GPC6: variants seen among roughly 807,000 people sequenced by gnomAD.
The protein encoded by GPC6 is glypican 6.
GPC6 carries 14 observed loss-of-function variants against 55.2 expected under a neutral mutation model. The ratio of observed to expected loss-of-function variants is 0.25; its 90% CI spans 0.17 to 0.40. The LOEUF (loss-of-function observed/expected upper bound fraction) is 0.40. GPC6 is among the 10% of genes least tolerant of loss of function. The probability of loss-of-function intolerance (pLI) is 1.00; values close to 1 mark genes in which losing one functional copy is unlikely to be tolerated. For synonymous variants in GPC6, 278 were observed against 259.6 expected (o/e 1.07, Z -0.68); for missense variants, 641 against 708.5 (o/e 0.90, Z 1.08).
intron 2 of GPC6, among the ~76,000 whole-genome samples, chr13:93,732,856 C>G (rs1883876884): frequency 6.6e-6 from 1 of 152,022 alleles, no homozygotes; most frequent in Non-Finnish European, 1.5e-5. Context: ...TTCGATTAAA[C>G]TAATCTATAT....
At chr13:93,478,873 A>T (rs1879396648) in intron 1 of GPC6, among the ~76,000 whole-genome samples, 1 of 152,218 alleles carries the variant, frequency 6.6e-6, no homozygotes, top group Non-Finnish European at 1.5e-5. Flanking sequence ...AATTTTGGAA[A>T]TAGCTCTGAA....
rs1875790967 is a variant in GPC6 at position 93,893,164 on chromosome 13, A to G, written c.711+62619A>G. 2.6e-5 allele frequency among the ~76,000 whole-genome samples: 4 copies of G among 151,810 alleles called. No individual in the cohort carries two copies. In the South Asian group the frequency reaches 8.4e-4, roughly 32 times the overall value. On this transcript the variant is annotated intron_variant, in intron 3 of 8. Coordinates refer to ENST00000377047, the MANE Select transcript of GPC6 (RefSeq NM_005708.5). The stretch of plus-strand genomic sequence containing the variant: ...AACCTCCACCTCCCAGGCTCAAGCA[A>G]TTCTCCTGCCTCAGCCTTCCGAATA...
chr13:93,378,145 T>A (rs1394611396), intron 1 of GPC6, among the ~76,000 whole-genome samples: 1 of 152,196 alleles, frequency 6.6e-6, no homozygotes, highest in Non-Finnish European at 1.5e-5. Context: ...GTATTAAGAC[T>A]TTAGTAATTA....
At chr13:94,332,823 G>T (rs1260335084) in intron 6 of GPC6, among the ~76,000 whole-genome samples, 2 of 152,218 alleles carry the variant, frequency 1.3e-5, no homozygotes, top group Non-Finnish European at 2.9e-5. Flanking sequence ...TTGATGTCAG[G>T]AGATTGCAAG....
At chr13:93,700,623 A>G (rs929240995) in intron 2 of GPC6, among the ~76,000 whole-genome samples, 1 of 152,134 alleles carries the variant, frequency 6.6e-6, no homozygotes, top group Non-Finnish European at 1.5e-5. Context: ...TACATTTTAT[A>G]GTAAGACTGA....
intron 3 of GPC6, among the ~76,000 whole-genome samples, chr13:93,835,488 C>G (rs1433627411): frequency 6.6e-6 from 1 of 152,088 alleles, no homozygotes; most frequent in Non-Finnish European, 1.5e-5. Context: ...GCGCAGGGCT[C>G]ACACCTGTAA....
chr13:93,896,054 C>G (rs949437767), intron 3 of GPC6, among the ~76,000 whole-genome samples: 6 of 151,950 alleles, frequency 3.9e-5, no homozygotes, highest in African/African-American at 1.4e-4. Flanking sequence ...TGGAACATTC[C>G]TAACACAAAG....
chr13:93,477,917 C>T (rs12871207), intron 1 of GPC6, among the ~76,000 whole-genome samples: 3 of 151,864 alleles, frequency 2.0e-5, no homozygotes, highest in South Asian at 2.1e-4. Flanking sequence ...AACATAGTAC[C>T]GTATATGAGC....
At chr13:93,296,038 A>G (rs1375452664) in intron 1 of GPC6, among the ~76,000 whole-genome samples, 1 of 152,150 alleles carries the variant, frequency 6.6e-6, no homozygotes, top group Non-Finnish European at 1.5e-5. Flanking sequence ...GTCTACCCTC[A>G]TGACCTGATT....
intron 4 of GPC6, among the ~76,000 whole-genome samples, chr13:94,071,988 C>T (rs1382672707): frequency 6.6e-6 from 1 of 152,188 alleles, no homozygotes; most frequent in Non-Finnish European, 1.5e-5. Flanking sequence ...ATTTATTCAG[C>T]ATCAAGCACA....
intron 4 of GPC6, among the ~76,000 whole-genome samples, chr13:94,257,147 A>G (rs555416405): frequency 3.2e-4 from 49 of 152,318 alleles, no homozygotes; most frequent in African/African-American, 1.2e-3. Context: ...TTATGATTTT[A>G]CAGCTCCAGT....
At chr13:93,325,118 G>A (rs574356101) in intron 1 of GPC6, among the ~76,000 whole-genome samples, 2 of 152,170 alleles carry the variant, frequency 1.3e-5, no homozygotes, top group African/African-American at 4.8e-5. Context: ...GCATGCTTAG[G>A]AACATGCTAG....
At chr13:93,486,508 AAC>A (rs1481240415) in intron 1 of GPC6, among the ~76,000 whole-genome samples, 1 of 152,218 alleles carries the variant, frequency 6.6e-6, no homozygotes, top group Non-Finnish European at 1.5e-5. Flanking sequence ...GAGATTTCTG[AAC>A]ATCCATTAGT....
chr13:94,080,406 C>T (rs1182754607), intron 4 of GPC6, among the ~76,000 whole-genome samples: 1 of 152,054 alleles, frequency 6.6e-6, no homozygotes, highest in Non-Finnish European at 1.5e-5. Flanking sequence ...AGATCTACTC[C>T]AAGCTATTAA....
At chr13:94,347,466 A>AT (rs1878348764) in intron 6 of GPC6, among the ~76,000 whole-genome samples, 1 of 152,202 alleles carries the variant, frequency 6.6e-6, no homozygotes, top group Admixed American at 6.5e-5. Context: ...GGTCAGCATA[A>AT]TTTCCTTTCA....
intron 2 of GPC6, among the ~76,000 whole-genome samples, chr13:93,634,781 T>A (rs1261398971): frequency 1.3e-5 from 2 of 152,194 alleles, no homozygotes; most frequent in African/African-American, 4.8e-5. Flanking sequence ...TAGTGAACTT[T>A]TACTTATGTC....
intron 2 of GPC6, among the ~76,000 whole-genome samples, chr13:93,750,421 C>T (rs569823499): frequency 6.6e-6 from 1 of 152,060 alleles, no homozygotes; most frequent in Admixed American, 6.5e-5. Flanking sequence ...ACTATTCATA[C>T]CAAAAAATAA....
rs1047290720 is a variant in GPC6, at chr13:93,792,492, G to A, written c.320-37662G>A. ...TGTCCAGCTCATTTTTGTATTTTTC[G>A]TAGAGATGGTTTTTCACCACTTTGG... On this transcript the variant is annotated intron_variant, in intron 2 of 8. Transcript: ENST00000377047. Among the ~76,000 whole-genome samples the A allele has an allele frequency of 5.3e-5, 8 of 152,218 alleles. No individual in the cohort carries two copies. The East Asian group carries it at 7.7e-4, about 15-fold the overall frequency.
At chr13:93,539,513 A>G (rs756568039) in intron 1 of GPC6, among the ~76,000 whole-genome samples, 3 of 152,134 alleles carry the variant, frequency 2.0e-5, no homozygotes, top group Admixed American at 6.6e-5. Context: ...GGGAGGGTCC[A>G]TAGAGTCGGG....
Sources: allele counts gnomAD v4.1 joint callset (sites outside exome capture counted in the v4.1 genomes callset), GRCh38; gene constraint gnomAD v4.1.1; transcripts MANE v1.5; gene names NCBI Gene and HGNC (gene_info 2026-07-23, HGNC 2026-07-21).